The following DNAH6 variants were observed in gnomAD, a reference collection of about 807,000 sequenced individuals.
DNAH6 encodes axonemal beta dynein heavy chain 6.
In DNAH6, 340 loss-of-function variants were observed where a neutral mutation model predicts 491.4. The ratio of observed to expected loss-of-function variants is 0.69; its 90% confidence interval spans 0.63 to 0.76. The LOEUF (loss-of-function observed/expected upper bound fraction) is 0.76. Among genes scored for constraint, DNAH6 ranks in the 30% least tolerant of loss-of-function variants. DNAH6 has a pLI of 0.00. For synonymous variants in DNAH6, 1,603 were observed against 1,686.1 expected (o/e 0.95, Z 1.21); for missense variants, 4,443 against 4,972.2 (o/e 0.89, Z 3.20).
Position 84,584,151 on chromosome 2 carries a change from G to A in DNAH6, c.2382G>A (p.Val794=). 6.2e-7 allele frequency: 1 copy of A among 1,614,136 alleles called. No individual in the cohort carries two copies. Among genetic ancestry groups the A allele is most frequent in the Non-Finnish European group, 8.5e-7 (1 of 1,180,034 alleles). The change falls in exon 15 of 77, where the codon GTG becomes GTA. Residue 794 remains valine, a synonymous_variant. Transcript: ENST00000389394. ...TTCGGAATGCCATTGATAAATCAGTGGGTGATAGAGAATCAAGCATTAAGC... is the reference window on the plus strand; with the variant it reads ...TTCGGAATGCCATTGATAAATCAGTAGGTGATAGAGAATCAAGCATTAAGC... The part of the protein sequence containing the change: ...VAVRNAIDKS[V]GDRESSIKQF...
chr2:84,605,474 A>T (rs528331426), intron 19 of DNAH6, 26 bp from the exon 20 acceptor site: 2 of 1,487,072 alleles, frequency 1.3e-6, no homozygotes, highest in South Asian at 2.4e-5. Context: ...GAATTTAGAT[A>T]TCCTAAGGCT....
At chr2:84,513,287 G>A (rs1025026016), upstream of DNAH6, among the ~76,000 whole-genome samples, 9 of 152,044 alleles carry the variant, frequency 5.9e-5, no homozygotes, top group African/African-American at 1.9e-4. Context: ...GGTAACTCGG[G>A]AAATCAGATT....
At chr2:84,791,999 T>G (rs1677800125) in intron 68 of DNAH6, among the ~76,000 whole-genome samples, 1 of 152,162 alleles carries the variant, frequency 6.6e-6, no homozygotes, top group Non-Finnish European at 1.5e-5. Context: ...AACATATAAA[T>G]GGACACAGAG....
At chr2:84,652,103 T>G (rs928955667) in intron 33 of DNAH6, among the ~76,000 whole-genome samples, 7 of 152,122 alleles carry the variant, frequency 4.6e-5, no homozygotes, top group African/African-American at 1.4e-4. Context: ...TGAATATTCC[T>G]ATACATATAT....
intron 14 of DNAH6, among the ~76,000 whole-genome samples, chr2:84,582,556 A>T (rs1368885343): frequency 1.3e-5 from 2 of 152,132 alleles, no homozygotes; most frequent in African/African-American, 4.8e-5. Flanking sequence ...GGTTCACGCC[A>T]TTCTCCTGCC....
chr2:84,802,491 C>T (rs181586863), intron 70 of DNAH6, among the ~76,000 whole-genome samples: 1 of 152,112 alleles, frequency 6.6e-6, no homozygotes, highest in East Asian at 1.9e-4. Flanking sequence ...GAATTCAATT[C>T]AAGAAGATTT....
intron 64 of DNAH6, among the ~76,000 whole-genome samples, chr2:84,779,543 A>G (rs1032863855): frequency 6.6e-6 from 1 of 152,154 alleles, no homozygotes; most frequent in East Asian, 1.9e-4. Flanking sequence ...TGCATGACAA[A>G]TGGGTCTCTT....
At chr2:84,638,722 A>G (rs1225328410) in intron 31 of DNAH6, among the ~76,000 whole-genome samples, 1 of 152,224 alleles carries the variant, frequency 6.6e-6, no homozygotes, top group Admixed American at 6.5e-5. Context: ...GAAATACCTG[A>G]GACTGGGTAA....
At chr2:84,746,839 T>G (rs994706127) in intron 63 of DNAH6, among the ~76,000 whole-genome samples, 4 of 152,140 alleles carry the variant, frequency 2.6e-5, no homozygotes, top group African/African-American at 9.7e-5. Flanking sequence ...TTCAGGAAGC[T>G]TTTACATATG....
intron 15 of DNAH6, chr2:84,584,807 C>T (rs1379116459): frequency 6.6e-6 from 1 of 152,200 alleles, no homozygotes; most frequent in Non-Finnish European, 1.5e-5. Context: ...CACAAGTTTA[C>T]CTGTATAACA....
chr2:84,620,801 C>T (rs1034800793), intron 24 of DNAH6, among the ~76,000 whole-genome samples: 13 of 152,086 alleles, frequency 8.5e-5, no homozygotes, highest in Non-Finnish European at 1.5e-4. Context: ...CCATGACAGT[C>T]AAGCCATTGG....
At chr2:84,717,634 A>T (rs897264468) in intron 58 of DNAH6, among the ~76,000 whole-genome samples, 1 of 152,236 alleles carries the variant, frequency 6.6e-6, no homozygotes, top group Non-Finnish European at 1.5e-5. Flanking sequence ...CATTGCATAG[A>T]GTAGTACTTA....
chr2:84,710,307 CA>C lies in DNAH6; in HGVS notation c.9275del (p.Lys3092ArgfsTer7). ...AACAGGCAAACCGTTGGATAAGGAA[CA>C]AGGAAAGCAAAAGTGGTTTAAAGAT... ...QDQANRWIRN[K>X]ESKSGLKIIK... On this transcript the variant is annotated frameshift_variant, in exon 56 of 77. Transcript: ENST00000389394. LOFTEE classifies it high-confidence loss of function. The C allele has an allele frequency of 6.4e-7, 1 of 1,551,560 alleles. No individual in the cohort carries two copies. The highest frequency in any genetic ancestry group is 8.7e-7 in the Non-Finnish European group (1 of 1,146,916).
At chr2:84,787,590 G>T (rs1032852511) in intron 68 of DNAH6, among the ~76,000 whole-genome samples, 1 of 152,180 alleles carries the variant, frequency 6.6e-6, no homozygotes, top group East Asian at 1.9e-4. Flanking sequence ...CCAAGAATTA[G>T]CAGATTTAAT....
chr2:84,591,642 G>A lies in DNAH6; in HGVS notation c.2611-2330G>A, dbSNP rs554874296. Among the ~76,000 whole-genome samples the A allele has an allele frequency of 5.1e-4, 78 of 152,164 alleles. 5 individuals carry two copies. The South Asian group carries it at 0.016, about 31-fold the overall frequency. On this transcript the variant is annotated intron_variant, in intron 16 of 76. Coordinates refer to ENST00000389394, the MANE Select transcript of DNAH6 (RefSeq NM_001370.2). ...TTTATAGGGAACCACAGAGGACCTCGAGTACCCAACACAATCTTGAGAAAT... is the reference window on the plus strand; with the variant it reads ...TTTATAGGGAACCACAGAGGACCTCAAGTACCCAACACAATCTTGAGAAAT...
chr2:84,645,423 A>C (rs559818260), intron 33 of DNAH6, among the ~76,000 whole-genome samples: 70 of 152,006 alleles, frequency 4.6e-4, no homozygotes, highest in African/African-American at 1.6e-3. Context: ...CTGTCTCAAA[A>C]AATAATAATA....
At chr2:84,556,798 TTTTA>T (rs1314705795) in intron 10 of DNAH6, among the ~76,000 whole-genome samples, 1 of 152,192 alleles carries the variant, frequency 6.6e-6, no homozygotes, top group African/African-American at 2.4e-5. Flanking sequence ...TATATGCCAG[TTTTA>T]TATCCTGCTC....
In DNAH6 at chr2:84,605,503, G is replaced by A; in HGVS notation, c.3085G>A (p.Glu1029Lys). ...AALEAILKKV[E>K]DSWKTTEFVI... ...TAAGGCTTGAATTATTTCTAAGGTGGAGGACTCTTGGAAAACAACTGAATT... is the reference window on the plus strand; with the variant it reads ...TAAGGCTTGAATTATTTCTAAGGTGAAGGACTCTTGGAAAACAACTGAATT... The change falls in exon 20 of 77, where the codon GAG (glutamate) becomes AAG (lysine). Residue 1029 changes from glutamate (E) to lysine (K), a missense_variant. Physicochemically the swap from Glu to Lys is moderately conservative, Grantham distance 56 (BLOSUM62 1). Transcript: ENST00000389394. 2 of 1,549,554 alleles carry A rather than the reference G, an allele frequency of 1.3e-6. No homozygotes were observed. The highest frequency in any genetic ancestry group is 1.7e-6 in the Non-Finnish European group (2 of 1,145,252).
chr2:84,662,221 T>G (rs1321330202), intron 37 of DNAH6, among the ~76,000 whole-genome samples: 1 of 152,078 alleles, frequency 6.6e-6, no homozygotes, highest in African/African-American at 2.4e-5. Flanking sequence ...AGATGGTTGA[T>G]TTCTGCATTT....
Sources: gnomAD v4.1 joint callset for allele counts (sites outside exome capture counted in the v4.1 genomes callset) on GRCh38, gnomAD v4.1.1 for gene constraint, MANE v1.5 for transcripts, NCBI Gene and HGNC (gene_info 2026-07-23, HGNC 2026-07-21) for gene names.